CLEC16A: variants seen among roughly 807,000 people sequenced by gnomAD.
The protein encoded by CLEC16A is C-type lectin domain containing 16A.
In CLEC16A, 51 loss-of-function variants were observed where a neutral mutation model predicts 109.5. The observed-to-expected ratio is 0.47, with a 90% CI of 0.37 to 0.59. The LOEUF (loss-of-function observed/expected upper bound fraction) is 0.59. CLEC16A is among the 20% of genes least tolerant of loss of function. CLEC16A has a pLI of 0.00. For missense variants in CLEC16A, 1,339 were observed against 1,394.0 expected (o/e 0.96, Z 0.63); for synonymous variants, 673 against 564.2 (o/e 1.19, Z -2.73).
chr16:11,065,573 G>A (rs117384685), intron 19 of CLEC16A, among the ~76,000 whole-genome samples: 78 of 152,320 alleles, frequency 5.1e-4, no homozygotes, highest in Admixed American at 8.5e-4. Flanking sequence ...CAGTTGTGGA[G>A]GGAGCAACCA....
chr16:11,085,907 A>C (rs2049984931), intron 19 of CLEC16A, among the ~76,000 whole-genome samples: 1 of 152,106 alleles, frequency 6.6e-6, no homozygotes, highest in African/African-American at 2.4e-5. Context: ...TCCCATTTCA[A>C]CCTGAGATTG....
At chr16:11,061,423 A>G (rs2048473130) in intron 19 of CLEC16A, among the ~76,000 whole-genome samples, 2 of 152,244 alleles carry the variant, frequency 1.3e-5, no homozygotes, top group Non-Finnish European at 2.9e-5. Flanking sequence ...AGAAACTTGT[A>G]AAAAGCAAAA....
intron 19 of CLEC16A, among the ~76,000 whole-genome samples, chr16:11,090,541 C>T (rs1242535561): frequency 6.6e-6 from 1 of 152,202 alleles, no homozygotes; most frequent in Non-Finnish European, 1.5e-5. Flanking sequence ...TTTCCTATTA[C>T]ATTTCTCCGC....
At chr16:11,075,637 A>G (rs1332342971) in intron 19 of CLEC16A, among the ~76,000 whole-genome samples, 6 of 151,888 alleles carry the variant, frequency 4.0e-5, no homozygotes, top group African/African-American at 7.3e-5. Flanking sequence ...GAGTCTTGCT[A>G]TGTTGCCCTG....
At chr16:11,151,518 C>T (rs775695590) in intron 22 of CLEC16A, among the ~76,000 whole-genome samples, 2 of 152,202 alleles carry the variant, frequency 1.3e-5, no homozygotes, top group Non-Finnish European at 2.9e-5. Flanking sequence ...ATTTCTCATT[C>T]CTGCCAAAAA....
chr16:10,985,702 C>T (rs1382142975), intron 10 of CLEC16A, among the ~76,000 whole-genome samples: 1 of 151,240 alleles, frequency 6.6e-6, no homozygotes, highest in African/African-American at 2.4e-5. Context: ...CTGGGGTTTG[C>T]AGCATTGTTT....
Position 11,178,537 on chromosome 16 carries a change from C to T in CLEC16A, c.3009C>T (p.Ser1003=), listed in dbSNP as rs750621392. 38 of 1,612,916 alleles carry T rather than the reference C, an allele frequency of 2.4e-5. No homozygotes were observed. The highest frequency in any genetic ancestry group is 3.3e-5 in the Admixed American group (2 of 60,006). ...GCGAGGACACGGCTGACACGCTGAG[C>T]GTCGAATCGCTGACCCTTGTCCCCC... ...LLCEDTADTL[S]VESLTLVPPV... is the part of the protein sequence containing the mutation. Residue 1003 remains serine, a synonymous_variant, in exon 24 of 24, where the codon AGC becomes AGT. Transcript: ENST00000409790. The surrounding 1 kb of genome is among the most constrained non-coding windows in gnomAD (Gnocchi z 6.5).
intron 19 of CLEC16A, among the ~76,000 whole-genome samples, chr16:11,086,490 A>G (rs544199540): frequency 5.7e-4 from 87 of 152,346 alleles, no homozygotes; most frequent in African/African-American, 2.1e-3. Flanking sequence ...TGTTAAGGAC[A>G]GCCAAAGTGG....
chr16:10,959,465 C>G (rs1030094506), intron 2 of CLEC16A, among the ~76,000 whole-genome samples: 45 of 152,164 alleles, frequency 3.0e-4, no homozygotes, highest in Admixed American at 3.3e-4. Flanking sequence ...GATCCCGGCT[C>G]ACCGCAACCT....
At chr16:11,151,825 C>T (rs971803440) in intron 22 of CLEC16A, among the ~76,000 whole-genome samples, 5 of 152,138 alleles carry the variant, frequency 3.3e-5, no homozygotes, top group East Asian at 3.9e-4. Flanking sequence ...TTTCGGGGGG[C>T]GGGGGCCGGC....
chr16:11,027,114 G>C, intron 13 of CLEC16A: 1 of 1,515,392 alleles, frequency 6.6e-7, no homozygotes, highest in East Asian at 2.2e-5. Context: ...AGCCACCCAG[G>C]CAAAGCAGGA....
At chr16:11,113,836 C>A (rs553996342) in intron 19 of CLEC16A, among the ~76,000 whole-genome samples, 8 of 152,326 alleles carry the variant, frequency 5.3e-5, no homozygotes, top group Non-Finnish European at 1.0e-4. Flanking sequence ...GCTTTCCCTT[C>A]TTGCTGGAAA....
intron 13 of CLEC16A, among the ~76,000 whole-genome samples, chr16:11,026,102 T>TC (rs1191433910): frequency 6.6e-6 from 1 of 152,212 alleles, no homozygotes; most frequent in East Asian, 1.9e-4. Context: ...GATTTTTGCA[T>TC]CTATGTTCAT....
At chr16:11,030,163 TACAA>T (rs2046655143) in intron 13 of CLEC16A, among the ~76,000 whole-genome samples, 1 of 152,252 alleles carries the variant, frequency 6.6e-6, no homozygotes, top group African/African-American at 2.4e-5. Flanking sequence ...TTTGGACTAT[TACAA>T]ACAAAGCTGC....
intron 10 of CLEC16A, among the ~76,000 whole-genome samples, chr16:10,992,914 G>A (rs1727092259): frequency 1.3e-5 from 2 of 152,142 alleles, no homozygotes; most frequent in African/African-American, 2.4e-5. Context: ...ATTGAGAACT[G>A]AGGTCAGGGA....
chr16:11,029,973 A>G (rs2046643803), intron 13 of CLEC16A, among the ~76,000 whole-genome samples: 1 of 152,208 alleles, frequency 6.6e-6, no homozygotes, highest in South Asian at 2.1e-4. Flanking sequence ...GTATAAACAG[A>G]GTCATGCAAC....
intron 19 of CLEC16A, among the ~76,000 whole-genome samples, chr16:11,094,549 C>G (rs368410269): frequency 2.6e-5 from 4 of 152,338 alleles, no homozygotes; most frequent in East Asian, 3.9e-4. Context: ...ACCACCTCCC[C>G]CCCTACAACT....
intron 10 of CLEC16A, among the ~76,000 whole-genome samples, chr16:10,984,997 C>A (rs1188868021): frequency 1.3e-5 from 2 of 151,962 alleles, no homozygotes; most frequent in Non-Finnish European, 2.9e-5. Flanking sequence ...GTCAGGAGAT[C>A]GAGACCATCC....
In CLEC16A at chr16:10,954,684, C is replaced by A. The variant is rs1367516177; in HGVS notation, c.81-3098C>A. The stretch of plus-strand genomic sequence containing the variant: ...CAGGCATTCCAGTGTCTGTGATTAA[C>A]CCTATGTTCTAATTATACCAGTGTT... On this transcript the variant is annotated intron_variant, in intron 1 of 23. Coordinates refer to ENST00000409790, the MANE Select transcript of CLEC16A (RefSeq NM_015226.3). The surrounding 1 kb of genome is among the most constrained non-coding windows in gnomAD (Gnocchi z 4.2). 6.6e-6 allele frequency among the ~76,000 whole-genome samples: 1 copy of A among 152,160 alleles called. No homozygotes were observed. Among genetic ancestry groups the A allele is most frequent in the African/African-American group, 2.4e-5 (1 of 41,434 alleles).
Sources: allele counts gnomAD v4.1 joint callset (sites outside exome capture counted in the v4.1 genomes callset), GRCh38; gene constraint gnomAD v4.1.1; non-coding constraint Gnocchi (gnomAD v3.1); transcripts MANE v1.5; gene names NCBI Gene and HGNC (gene_info 2026-07-23, HGNC 2026-07-21).